Variants in ROS1 observed in about 807,000 individuals in gnomAD.
ROS1 encodes ROS proto-oncogene 1, receptor tyrosine kinase.
A neutral mutation model predicts 273.5 loss-of-function variants in ROS1; 263 were observed. The ratio of observed to expected loss-of-function variants is 0.96; its 90% CI spans 0.87 to 1.06. The LOEUF (loss-of-function observed/expected upper bound fraction) is 1.06, where lower values mean the gene tolerates loss of function less well. ROS1 is among the 50% of genes least tolerant of loss of function. The pLI, the probability that ROS1 is intolerant of heterozygous loss-of-function variation, is 0.00. For missense variants in ROS1, 2,833 were observed against 2,751.1 expected (o/e 1.03, Z -0.67); for synonymous variants, 1,008 against 954.1 (o/e 1.06, Z -1.04).
intron 18 of ROS1, among the ~76,000 whole-genome samples, chr6:117,372,018 TG>T (rs1232676085): frequency 2.0e-5 from 3 of 151,944 alleles, no homozygotes; most frequent in Non-Finnish European, 2.9e-5. Context: ...CATACTCTCT[TG>T]GGGGCTCTAT....
At chr6:117,308,714 C>T (rs1489321456) in intron 42 of ROS1, 80 bp downstream of exon 42, 17 of 1,386,344 alleles carry the variant, frequency 1.2e-5, no homozygotes, top group Non-Finnish European at 1.6e-5. Flanking sequence ...AACAATTTAA[C>T]AAACTATATC....
At chr6:117,365,468 G>T in intron 20 of ROS1, 113 bp downstream of exon 20, 2 of 941,368 alleles carry the variant, frequency 2.1e-6, no homozygotes, top group South Asian at 1.5e-5. Context: ...CTATGGGAAT[G>T]ACAAAGAAGA....
At chr6:117,360,044 T>C (rs1257050848) in intron 23 of ROS1, 33 bp from the exon 24 acceptor site, 1 of 1,548,554 alleles carries the variant, frequency 6.5e-7, no homozygotes, top group African/African-American at 1.4e-5. Context: ...ATAATATGCA[T>C]GAGAAAACTG....
rs1582683041 is a variant in ROS1 at position 117,344,272 on chromosome 6, G to C, written c.4304-10C>G. 6.2e-7 allele frequency: 1 copy of C among 1,601,760 alleles called. No individual in the cohort carries two copies. The highest frequency in any genetic ancestry group is 8.6e-7 in the Non-Finnish European group (1 of 1,169,542). On this transcript the variant is annotated splice_polypyrimidine_tract_variant and intron_variant, in intron 27 of 43. Transcript: ENST00000368507. Reference sequence around the variant, plus strand: ...GACAGAAACGCTTTATCTAAAATAAGAAGAAACCAAAAGATTAAATATCTA... The same window carrying C: ...GACAGAAACGCTTTATCTAAAATAACAAGAAACCAAAAGATTAAATATCTA...
chr6:117,314,939 A>G (rs753210180), intron 39 of ROS1, among the ~76,000 whole-genome samples: 67 of 152,170 alleles, frequency 4.4e-4, no homozygotes, highest in Non-Finnish European at 7.8e-4. Flanking sequence ...AATACTAAAC[A>G]TTTGAGAAAG....
In ROS1 at chr6:117,353,098, T is replaced by G; in HGVS notation, c.4195A>C (p.Thr1399Pro). Residue 1399 changes from threonine to proline, a missense_variant, in exon 27 of 44, where the codon ACA (threonine) becomes CCA (proline). By Grantham distance (38) the Thr-to-Pro change is conservative (BLOSUM62 -1). Coordinates refer to ENST00000368507, the MANE Select transcript of ROS1 (RefSeq NM_001378902.1). ...IYWIITAKDSTQIYQAKKGNG... is the reference protein window; with the variant it reads ...IYWIITAKDSPQIYQAKKGNG... ...CCTTTCTTTGCCTGATAAATCTGTG[T>G]GCTGTCCTTTGCTGTGATGATCCAG... The G allele has an allele frequency of 1.2e-6, 2 of 1,614,148 alleles. No individual in the cohort carries two copies. Among genetic ancestry groups the G allele is most frequent in the Non-Finnish European group, 1.7e-6 (2 of 1,179,976 alleles).
intron 16 of ROS1, 108 bp downstream of exon 16, chr6:117,385,575 G>T: frequency 1.1e-6 from 1 of 899,208 alleles, no homozygotes; most frequent in Non-Finnish European, 1.7e-6. Context: ...ATAAATAATA[G>T]CATAAGTGGT....
chr6:117,370,919 CAT>C (rs1780711514), intron 18 of ROS1, among the ~76,000 whole-genome samples: 3 of 152,250 alleles, frequency 2.0e-5, no homozygotes, highest in Non-Finnish European at 2.9e-5. Context: ...TAAATCCAAA[CAT>C]ATTGATAATT....
In ROS1 at chr6:117,287,932, A is replaced by T. The variant is rs912481416; in HGVS notation, c.*560T>A. 6.6e-6 allele frequency among the ~76,000 whole-genome samples: 1 copy of T among 151,696 alleles called. No individual in the cohort carries two copies. Among genetic ancestry groups the T allele is most frequent in the Non-Finnish European group, 1.5e-5 (1 of 67,928 alleles). On this transcript the variant is annotated 3_prime_UTR_variant, in exon 44 of 44. Coordinates refer to ENST00000368507, the MANE Select transcript of ROS1 (RefSeq NM_001378902.1). ...GACTTCGTCTCAAAAAAAAAAAAAA[A>T]AAATTAAAAAAAGATAATATATATA...
At chr6:117,309,215 C>T (rs148910005) in intron 41 of ROS1, among the ~76,000 whole-genome samples, 38 of 152,292 alleles carry the variant, frequency 2.5e-4, no homozygotes, top group East Asian at 3.9e-4. Flanking sequence ...TGCACATCCA[C>T]GCACATATAC....
intron 7 of ROS1, among the ~76,000 whole-genome samples, chr6:117,398,661 A>G (rs1582848437): frequency 6.8e-6 from 1 of 147,506 alleles, no homozygotes; most frequent in African/African-American, 2.5e-5. Context: ...CCTGGGTGAC[A>G]GAGTGAGACC....
In ROS1 at chr6:117,329,382, C is replaced by T. The variant is rs1776887767; in HGVS notation, c.5295G>A (p.Trp1765Ter). Residue 1765 changes from tryptophan (W) to a stop codon, truncating the protein, a stop_gained, in exon 33 of 44, where the codon TGG becomes TGA. Coordinates refer to ENST00000368507, the MANE Select transcript of ROS1 (RefSeq NM_001378902.1). LOFTEE classifies it high-confidence loss of function. ...LLEGSKNSIQ[W>*]EKAEDNGCRI... The stretch of plus-strand genomic sequence containing the variant: ...TACATCCATTATCTTCAGCTTTCTC[C>T]CACTGTATTGAATTTTTACTCCCTT... The T allele has an allele frequency of 5.0e-6, 8 of 1,602,400 alleles. No individual in the cohort carries two copies. Among genetic ancestry groups the T allele is most frequent in the African/African-American group, 1.3e-5 (1 of 74,622 alleles).
At chr6:117,317,115 A>G (rs200210796) in intron 39 of ROS1, 28 bp downstream of exon 39, 1 of 1,598,292 alleles carries the variant, frequency 6.3e-7, no homozygotes, top group South Asian at 1.1e-5. Context: ...GCATTATGAA[A>G]CCAATATTAT....
At chr6:117,388,314 T>TA (rs1248761460) in intron 13 of ROS1, among the ~76,000 whole-genome samples, 5 of 152,264 alleles carry the variant, frequency 3.3e-5, no homozygotes, top group African/African-American at 9.6e-5. Flanking sequence ...AGGCTCTTAA[T>TA]AAAAAATGCT....
At chr6:117,408,324 G>A (rs1450350847) in intron 5 of ROS1, among the ~76,000 whole-genome samples, 1 of 151,842 alleles carries the variant, frequency 6.6e-6, no homozygotes, top group African/African-American at 2.4e-5. Flanking sequence ...TCTGACAAAG[G>A]GCTAATATCC....
intron 18 of ROS1, among the ~76,000 whole-genome samples, chr6:117,375,459 A>T (rs1440887866): frequency 6.6e-6 from 1 of 152,214 alleles, no homozygotes; most frequent in Non-Finnish European, 1.5e-5. Flanking sequence ...ATTTTTTAAA[A>T]AAAGAAAACC....
intron 17 of ROS1, among the ~76,000 whole-genome samples, chr6:117,380,278 C>T (rs564933705): frequency 6.6e-6 from 1 of 152,022 alleles, no homozygotes; most frequent in Non-Finnish European, 1.5e-5. Context: ...ATAAGGTATC[C>T]AAGAGCTAAA....
Position 117,397,125 on chromosome 6 carries a change from G to A in ROS1, c.605-9C>T. 8.2e-6 allele frequency: 13 copies of A among 1,577,336 alleles called. No individual in the cohort carries two copies. The highest frequency in any genetic ancestry group is 1.1e-5 in the Non-Finnish European group (13 of 1,148,128). On this transcript the variant is annotated splice_polypyrimidine_tract_variant and intron_variant, in intron 7 of 43. Transcript: ENST00000368507. ...AGGTGCAGTTTCAGGAACTGGAAGA[G>A]ATAATGGTGACATAATGAGCAGAAA...
rs193082149 is a variant in ROS1 at position 117,367,386 on chromosome 6, C to T, written c.2583-1096G>A. Reference sequence around the variant, plus strand: ...CTCTTAAATGTGGTAGCCATGAGGACTCCAGTACCTAGGCACACAGAATAA... The same window carrying T: ...CTCTTAAATGTGGTAGCCATGAGGATTCCAGTACCTAGGCACACAGAATAA... On this transcript the variant is annotated intron_variant, in intron 18 of 43. Transcript: ENST00000368507. Among the ~76,000 whole-genome samples the T allele has an allele frequency of 7.2e-5, 11 of 152,338 alleles. No individual in the cohort carries two copies. The East Asian group carries it at 2.1e-3, about 29-fold the overall frequency.
Sources: gnomAD v4.1 joint callset for allele counts (sites outside exome capture counted in the v4.1 genomes callset) on GRCh38, gnomAD v4.1.1 for gene constraint, MANE v1.5 for transcripts, NCBI Gene and HGNC (gene_info 2026-07-23, HGNC 2026-07-21) for gene names.